Variants in ASAH1 observed in about 807,000 individuals in gnomAD.
ASAH1 encodes the protein acid ceramidase.
ASAH1 carries 70 observed loss-of-function variants against 59.5 expected under a neutral mutation model. The ratio of observed to expected loss-of-function variants is 1.18; its 90% CI spans 0.97 to 1.43. The LOEUF is 1.43. Ranked by LOEUF, ASAH1 falls within the 40% of genes most tolerant of loss-of-function variation. The pLI, the probability that ASAH1 is intolerant of heterozygous loss-of-function variation, is 0.00. For missense variants in ASAH1, 660 were observed against 482.5 expected, an observed-to-expected ratio of 1.37 and a Z score of -3.45; for synonymous variants, 213 against 166.5, an observed-to-expected ratio of 1.28 and a Z score of -2.15.
intron 2 of ASAH1, among the ~76,000 whole-genome samples, chr8:18,071,819 A>G (rs1032043130): frequency 4.6e-5 from 7 of 152,158 alleles, no homozygotes; most frequent in African/African-American, 1.7e-4. Flanking sequence ...TGCCAAACCA[A>G]TGTCTCCAGT....
chr8:18,065,878 C>T (rs1338038573), intron 5 of ASAH1: 3 of 120,620 alleles, frequency 2.5e-5, no homozygotes, highest in Admixed American at 8.5e-5. Flanking sequence ...TATACAGATA[C>T]ACATTGTGTG....
chr8:18,071,457 C>A, intron 2 of ASAH1, 67 bp from the exon 3 acceptor site: 2 of 1,050,486 alleles, frequency 1.9e-6, no homozygotes, highest in South Asian at 2.7e-5. Flanking sequence ...TTAGATACAT[C>A]TATAAGAATA....
chr8:18,067,111 TGTATATCTAAGACATACAGCACCTG>T, intron 5 of ASAH1, 84 bp downstream of exon 5: 1 of 497,930 alleles, frequency 2.0e-6, no homozygotes, highest in Admixed American at 8.5e-5. Context: ...GCACCTGTGC[TGTATATCTAAGACATACAGCACCTG>T]TGCTGTATGT....
chr8:18,061,575 T>C (rs1411167921), intron 9 of ASAH1, 111 bp downstream of exon 9: 6 of 1,460,360 alleles, frequency 4.1e-6, no homozygotes, highest in Admixed American at 1.7e-5. Flanking sequence ...TTAGACTTTG[T>C]AACCAGTCGG....
chr8:18,058,720 T>C, intron 13 of ASAH1, 115 bp downstream of exon 13: 1 of 959,504 alleles, frequency 1.0e-6, no homozygotes. Context: ...AAAAAATCAG[T>C]CCTAAGCTGA....
At chr8:18,076,120 C>G (rs985793407) in intron 1 of ASAH1, 1 of 167,292 alleles carries the variant, frequency 6.0e-6, no homozygotes, top group African/African-American at 2.4e-5. Flanking sequence ...TATCATCTCT[C>G]ACCCTTCCAT....
chr8:18,067,575 T>G (rs80080253), intron 4 of ASAH1: 1 of 169,110 alleles, frequency 5.9e-6, no homozygotes, highest in African/African-American at 2.4e-5. Context: ...TTTCCATCAT[T>G]CTCCAGAGAA....
At chr8:18,061,623 A>G (rs1588977470) in intron 9 of ASAH1, 63 bp downstream of exon 9, 23 of 1,528,580 alleles carry the variant, frequency 1.5e-5, no homozygotes, top group Non-Finnish European at 2.0e-5. Context: ...CAGAAGGCAC[A>G]GTCCAGCCTT....
At chr8:18,081,797 AT>A (rs1800666734) in intron 1 of ASAH1, among the ~76,000 whole-genome samples, 12 of 152,224 alleles carry the variant, frequency 7.9e-5, no homozygotes, top group Admixed American at 7.9e-4. Context: ...TTATCATATA[AT>A]GACTCCAGTT....
chr8:18,063,248 G>A lies in ASAH1; in HGVS notation c.458-18C>T, dbSNP rs976025721. On this transcript the variant is annotated intron_variant, in intron 6 of 13. Transcript: ENST00000637790. ...TAGATGACCTATTTGAAGGTAGACA[G>A]AAGAGACGTGTAATAGCAGTTAAGA... 1.2e-6 allele frequency: 2 copies of A among 1,605,050 alleles called. No individual in the cohort carries two copies. Among genetic ancestry groups the A allele is most frequent in the Admixed American group, 1.7e-5 (1 of 60,002 alleles).
intron 12 of ASAH1, 155 bp from the exon 13 acceptor site, chr8:18,059,046 C>A (rs543037718): frequency 4.2e-6 from 3 of 714,424 alleles, no homozygotes; most frequent in Non-Finnish European, 7.0e-6. Flanking sequence ...GTTAGAAACA[C>A]AGGTAACAGT....
rs752619508 is a variant in ASAH1, at chr8:18,059,421, A to C, written c.961T>G (p.Tyr321Asp). ...AAGAAGGGATGTTTCCAACGGTCAT[A>C]ATTTGTTTGTACCACATACCATCTA... ...QGRWYVVQTN[Y>D]DRWKHPFFLD... is the part of the protein sequence containing the mutation. Residue 321 changes from tyrosine to aspartate, a missense_variant, in exon 12 of 14, where the codon TAT (tyrosine) becomes GAT (aspartate). Coordinates refer to ENST00000637790, the MANE Select transcript of ASAH1 (RefSeq NM_177924.5). 1 of 1,614,194 alleles carries C rather than the reference A, an allele frequency of 6.2e-7. No individual in the cohort carries two copies. The highest frequency in any genetic ancestry group is 8.5e-7 in the Non-Finnish European group (1 of 1,180,036).
chr8:18,058,052 T>C (rs1799543293), intron 13 of ASAH1: 1 of 155,822 alleles, frequency 6.4e-6, no homozygotes, highest in African/African-American at 2.4e-5. Flanking sequence ...TGGCTATCCC[T>C]ATCCTTAAAG....
In ASAH1 at chr8:18,061,436, T is replaced by G; in HGVS notation, c.726A>C (p.Gly242=). 6.2e-7 allele frequency: 1 copy of G among 1,612,806 alleles called. No homozygotes were observed. Among genetic ancestry groups the G allele is most frequent in the Admixed American group, 1.7e-5 (1 of 60,024 alleles). Reference sequence around the variant, plus strand: ...ACCCTATCCACATGACATCTTTCTTTCCCAGAATCCATTCTAGAATACCTG... The same window carrying G: ...ACCCTATCCACATGACATCTTTCTTGCCCAGAATCCATTCTAGAATACCTG... The part of the protein sequence containing the change: ...GYLGILEWIL[G]KKDVMWIGFL... The change falls in exon 10 of 14, where the codon GGA becomes GGC. Residue 242 remains glycine, a synonymous_variant. Coordinates refer to ENST00000637790, the MANE Select transcript of ASAH1 (RefSeq NM_177924.5).
Position 18,061,874 on chromosome 8 carries a change from TA to T in ASAH1, c.649-135del, listed in dbSNP as rs1294747388. On this transcript the variant is annotated intron_variant, in intron 8 of 13. Transcript: ENST00000637790. Reference sequence around the variant, plus strand: ...GGAAGGCAAAAATAAATCAAAACCATAAAAGGCTTTTTAAAAAGTTCAAAGC... The same window carrying T: ...GGAAGGCAAAAATAAATCAAAACCATAAAGGCTTTTTAAAAAGTTCAAAGC... The T allele has an allele frequency of 2.1e-5, 18 of 870,800 alleles. No individual in the cohort carries two copies. The African/African-American group carries it at 2.7e-4, about 13-fold the overall frequency. 53.9% of individuals were successfully genotyped at this position (870,800 alleles called of 1,614,324 possible).
chr8:18,084,090 C>T lies in ASAH1; in HGVS notation c.-32G>A, dbSNP rs369734620. 1.3e-6 allele frequency: 2 copies of T among 1,597,452 alleles called. No homozygotes were observed. The highest frequency in any genetic ancestry group is 1.3e-5 in the African/African-American group (1 of 75,024). ...AGCAGCCAACGCCACTCCCCGGACT[C>T]CAGCAGAGGCAAAGAAGAGCCGGCT... On this transcript the variant is annotated 5_prime_UTR_variant, in exon 1 of 14. Coordinates refer to ENST00000637790, the MANE Select transcript of ASAH1 (RefSeq NM_177924.5).
intron 6 of ASAH1, chr8:18,064,209 T>C (rs1396999913): frequency 3.4e-6 from 2 of 585,566 alleles, no homozygotes; most frequent in African/African-American, 3.7e-5. Context: ...GAAGAATGTT[T>C]CTAGCCCTGC....
At chr8:18,061,509 A>AC (rs757238481) in intron 9 of ASAH1, 51 bp from the exon 10 acceptor site, 2 of 1,507,078 alleles carry the variant, frequency 1.3e-6, no homozygotes, top group African/African-American at 2.7e-5. Context: ...ACACTATGTA[A>AC]CCAGTCAGGA....
Position 18,058,841 on chromosome 8 carries a change from G to A in ASAH1, c.1092C>T (p.Leu364=). Residue 364 remains leucine (L), a synonymous_variant, in exon 13 of 14, where the codon CTC becomes CTT. Transcript: ENST00000637790. ...CATATAACATTTAAAATACCTTGTT[G>A]AGGACAGGTTTTGTTGACAGGACAT... ...MYDVLSTKPV[L]NKLTVYTTLI... The A allele has an allele frequency of 6.2e-7, 1 of 1,610,634 alleles. No homozygotes were observed. Among genetic ancestry groups the A allele is most frequent in the Non-Finnish European group, 8.5e-7 (1 of 1,176,846 alleles).
Sources: gnomAD v4.1 joint callset for allele counts (sites outside exome capture counted in the v4.1 genomes callset) on GRCh38, gnomAD v4.1.1 for gene constraint, MANE v1.5 for transcripts, NCBI Gene and HGNC (gene_info 2026-07-23, HGNC 2026-07-21) for gene names.